Variants in ANO10 observed in about 807,000 individuals in gnomAD.
ANO10 encodes the protein anoctamin-10.
A neutral mutation model predicts 74.7 loss-of-function variants in ANO10; 77 were observed. The observed-to-expected ratio is 1.03, with a 90% CI of 0.86 to 1.25. The LOEUF is 1.25. ANO10 is among the 50% of genes most tolerant of loss of function. The probability of loss-of-function intolerance (pLI) is 0.00; values close to 1 mark genes in which losing one functional copy is unlikely to be tolerated. For synonymous variants in ANO10, 279 were observed against 284.9 expected, an observed-to-expected ratio of 0.98 and a Z score of 0.21; for missense variants, 721 against 778.1, an observed-to-expected ratio of 0.93 and a Z score of 0.87.
intron 1 of ANO10, chr3:43,690,965 A>G (rs758418869): frequency 1.2e-5 from 18 of 1,558,792 alleles, no homozygotes; most frequent in African/African-American, 1.4e-5. Context: ...GCTTCGAGAT[A>G]AGTCCCGGCG....
At chr3:43,492,603 A>C (rs1207494709) in intron 11 of ANO10, among the ~76,000 whole-genome samples, 2 of 152,222 alleles carry the variant, frequency 1.3e-5, no homozygotes, top group African/African-American at 4.8e-5. Context: ...AAAGGCAAAC[A>C]ACCCCATCAA....
chr3:43,418,433 A>G (rs1421505140), intron 12 of ANO10, among the ~76,000 whole-genome samples: 1 of 152,222 alleles, frequency 6.6e-6, no homozygotes, highest in Non-Finnish European at 1.5e-5. Context: ...GGGCTTTTTC[A>G]AAGTGCTGAG....
intron 11 of ANO10, among the ~76,000 whole-genome samples, chr3:43,527,126 C>T (rs2078241596): frequency 1.3e-5 from 2 of 151,784 alleles, no homozygotes; most frequent in African/African-American, 4.8e-5. Flanking sequence ...GATTTATGGA[C>T]TCATCTGTGT....
chr3:43,519,435 G>A (rs190172120), intron 11 of ANO10, among the ~76,000 whole-genome samples: 2 of 152,222 alleles, frequency 1.3e-5, no homozygotes, highest in Admixed American at 1.3e-4. Flanking sequence ...CTCTAACTAA[G>A]ATGGACAAGC....
chr3:43,475,048 A>T (rs529847895), intron 11 of ANO10, among the ~76,000 whole-genome samples: 2 of 152,244 alleles, frequency 1.3e-5, no homozygotes, highest in Non-Finnish European at 2.9e-5. Flanking sequence ...TGGTGTTAAC[A>T]TTGGATTATA....
At chr3:43,435,229 C>T (rs998509673) in intron 11 of ANO10, among the ~76,000 whole-genome samples, 6 of 152,160 alleles carry the variant, frequency 3.9e-5, no homozygotes, top group Non-Finnish European at 8.8e-5. Flanking sequence ...GCAAAGTGGG[C>T]TGGGTGCAGT....
chr3:43,640,065 G>GAT (rs2149563188), intron 1 of ANO10, among the ~76,000 whole-genome samples: 1 of 152,318 alleles, frequency 6.6e-6, no homozygotes, highest in Admixed American at 6.5e-5. Context: ...TCTGAAAACA[G>GAT]TGTTCTGGAC....
At chr3:43,543,545 C>A (rs1165208312) in intron 11 of ANO10, among the ~76,000 whole-genome samples, 1 of 152,182 alleles carries the variant, frequency 6.6e-6, no homozygotes, top group African/African-American at 2.4e-5. Context: ...CCCGCCACAG[C>A]GCCCGCTAAT....
chr3:43,402,622 T>TC (rs767307062), intron 12 of ANO10, among the ~76,000 whole-genome samples: 66 of 152,220 alleles, frequency 4.3e-4, no homozygotes, highest in Admixed American at 2.0e-3. Flanking sequence ...CCTGGTCTTT[T>TC]CCCAGGTCAT....
chr3:43,628,147 T>G (rs1166456171), intron 1 of ANO10, among the ~76,000 whole-genome samples: 1 of 152,228 alleles, frequency 6.6e-6, no homozygotes, highest in Non-Finnish European at 1.5e-5. Flanking sequence ...ATGTTTTTGG[T>G]GTTTACTCAG....
chr3:43,528,216 AAGC>A (rs1334290496), intron 11 of ANO10, among the ~76,000 whole-genome samples: 1 of 151,914 alleles, frequency 6.6e-6, no homozygotes, highest in Non-Finnish European at 1.5e-5. Flanking sequence ...CGAAAAAAAA[AAGC>A]AGATAACATC....
intron 7 of ANO10, 141 bp from the exon 8 acceptor site, chr3:43,565,868 C>A: frequency 1.2e-6 from 1 of 848,014 alleles, no homozygotes; most frequent in Non-Finnish European, 1.9e-6. Context: ...CAGTCTACAG[C>A]TCCCAGCCTG....
intron 11 of ANO10, among the ~76,000 whole-genome samples, chr3:43,443,960 G>A (rs1259272884): frequency 9.9e-5 from 15 of 152,080 alleles, no homozygotes; most frequent in Admixed American, 4.6e-4. Context: ...GGGATTACAG[G>A]CATGAGTCAC....
At chr3:43,688,242 G>A (rs759261381) in intron 1 of ANO10, among the ~76,000 whole-genome samples, 5 of 152,210 alleles carry the variant, frequency 3.3e-5, no homozygotes, top group Non-Finnish European at 7.4e-5. Flanking sequence ...AGACCAAAGC[G>A]CTACAGGAGT....
At chr3:43,533,235 AG>A (rs946815984) in intron 11 of ANO10, among the ~76,000 whole-genome samples, 17 of 152,262 alleles carry the variant, frequency 1.1e-4, no homozygotes, top group African/African-American at 4.1e-4. Context: ...GGAATGAGAA[AG>A]GAGCCAAAAA....
At chr3:43,524,836 G>A (rs754252971) in intron 11 of ANO10, among the ~76,000 whole-genome samples, 3 of 152,094 alleles carry the variant, frequency 2.0e-5, no homozygotes, top group Non-Finnish European at 2.9e-5. Context: ...AACACACAGT[G>A]TATCCAACAC....
At chr3:43,501,455 C>T (rs1019390930) in intron 11 of ANO10, among the ~76,000 whole-genome samples, 1 of 151,930 alleles carries the variant, frequency 6.6e-6, no homozygotes, top group African/African-American at 2.4e-5. Flanking sequence ...AGTGTAAAAT[C>T]TTATAAATTC....
At chr3:43,525,855 T>C (rs1334227757) in intron 11 of ANO10, among the ~76,000 whole-genome samples, 1 of 152,200 alleles carries the variant, frequency 6.6e-6, no homozygotes, top group African/African-American at 2.4e-5. Flanking sequence ...CTAATGACAG[T>C]TGGTCACTTC....
intron 12 of ANO10, among the ~76,000 whole-genome samples, chr3:43,426,220 G>A (rs1236898959): frequency 6.6e-6 from 1 of 152,026 alleles, no homozygotes; most frequent in Non-Finnish European, 1.5e-5. Flanking sequence ...AAACTGTAAC[G>A]TGACTGCCTT....
Sources: gnomAD v4.1 joint callset for allele counts (sites outside exome capture counted in the v4.1 genomes callset) on GRCh38, gnomAD v4.1.1 for gene constraint, MANE v1.5 for transcripts, NCBI Gene and HGNC (gene_info 2026-07-23, HGNC 2026-07-21) for gene names.